RHBDD1: variants seen among roughly 807,000 people sequenced by gnomAD.
RHBDD1 encodes rhomboid domain containing 1.
RHBDD1 carries 38 observed loss-of-function variants against 36.3 expected under a neutral mutation model. The observed-to-expected ratio is 1.05, with a 90% CI of 0.81 to 1.37. RHBDD1 has a LOEUF of 1.37. Ranked by LOEUF, RHBDD1 falls within the 40% of genes most tolerant of loss-of-function variation. RHBDD1 has a pLI of 0.00. For missense variants in RHBDD1, 393 were observed against 377.6 expected (o/e 1.04, Z -0.34); for synonymous variants, 151 against 136.5 (o/e 1.11, Z -0.74).
chr2:226,906,772 A>G lies in RHBDD1; in HGVS notation c.567-21A>G, dbSNP rs372372131. On this transcript the variant is annotated intron_variant, in intron 5 of 8. Transcript: ENST00000392062. The stretch of plus-strand genomic sequence containing the variant: ...ATCAGCAGCAGAACAAACACTCACA[A>G]AGGGTCTCCTTCCCTCCTAGGACTT... 82 of 1,613,848 alleles carry G rather than the reference A, an allele frequency of 5.1e-5. 1 individual carries two copies. In the African/African-American group the frequency reaches 8.4e-4, roughly 17 times the overall value.
In RHBDD1 at chr2:226,865,130, AG is replaced by A. The variant is rs1559209422; in HGVS notation, c.433+7del. On this transcript the variant is annotated splice_donor_5th_base_variant and intron_variant, in intron 4 of 8. Transcript: ENST00000392062. ...AGCTGTGCTGTAGGTTTCTCAGGTA[AG>A]GGAGACAAAATTTTGAGGTTGCATG... 5.7e-6 allele frequency: 9 copies of A among 1,591,582 alleles called. No individual in the cohort carries two copies. Among genetic ancestry groups the A allele is most frequent in the Non-Finnish European group, 7.7e-6 (9 of 1,171,000 alleles).
At chr2:226,935,760 TTTGACA>T (rs1950292457) in intron 8 of RHBDD1, among the ~76,000 whole-genome samples, 1 of 152,110 alleles carries the variant, frequency 6.6e-6, no homozygotes, top group South Asian at 2.1e-4. Context: ...AATGTGAGTT[TTTGACA>T]TACAGGTCTC....
chr2:226,922,459 G>A (rs546515969), intron 8 of RHBDD1, among the ~76,000 whole-genome samples: 8 of 151,932 alleles, frequency 5.3e-5, no homozygotes, highest in Middle Eastern at 3.4e-3. Flanking sequence ...CGCCCACCTC[G>A]GCCTCCCAAA....
intron 8 of RHBDD1, among the ~76,000 whole-genome samples, chr2:226,936,515 C>T (rs1950339279): frequency 6.6e-6 from 1 of 152,054 alleles, no homozygotes; most frequent in Non-Finnish European, 1.5e-5. Flanking sequence ...CTACCACCTA[C>T]CCCCATAATA....
rs1467374086 is a variant in RHBDD1, at chr2:226,906,835, A to G, written c.609A>G (p.Leu203=). 1 of 1,614,122 alleles carries G rather than the reference A, an allele frequency of 6.2e-7. No homozygotes were observed. Among genetic ancestry groups the G allele is most frequent in the Admixed American group, 1.7e-5 (1 of 60,012 alleles). ...ATCTGGCTGGGATTCTTGTTGGACT[A>G]ATGTACACTCAAGGGCCTCTGAAGA... is the stretch of plus-strand genomic sequence containing the variant. ...AGHLAGILVG[L]MYTQGPLKKI... The change falls in exon 6 of 9, where the codon CTA becomes CTG. Residue 203 remains leucine, a synonymous_variant. Coordinates refer to ENST00000392062, the MANE Select transcript of RHBDD1 (RefSeq NM_001167608.3).
chr2:226,908,753 A>C (rs1480287047), intron 6 of RHBDD1, 69 bp from the exon 7 acceptor site: 26 of 1,044,420 alleles, frequency 2.5e-5, no homozygotes, highest in Non-Finnish European at 3.8e-5. Context: ...AGAACTTTCT[A>C]ATTACTGGAA....
chr2:226,879,548 A>G (rs1945529943), intron 5 of RHBDD1, among the ~76,000 whole-genome samples: 9 of 152,242 alleles, frequency 5.9e-5, no homozygotes, highest in Admixed American at 5.9e-4. Context: ...AAACAAAGTT[A>G]TTAGTAAAAC....
At chr2:226,942,917 G>T (rs1343626623) in intron 8 of RHBDD1, among the ~76,000 whole-genome samples, 1 of 152,174 alleles carries the variant, frequency 6.6e-6, no homozygotes, top group Non-Finnish European at 1.5e-5. Flanking sequence ...CATTACTCCA[G>T]TTACTTATTA....
intron 8 of RHBDD1, among the ~76,000 whole-genome samples, chr2:226,922,284 T>C (rs555316556): frequency 2.5e-3 from 365 of 144,544 alleles, no homozygotes; most frequent in African/African-American, 8.9e-3. Context: ...CTCGGCTCAC[T>C]GTAAGTTCCA....
chr2:226,981,218 G>T (rs748505502), intron 8 of RHBDD1, among the ~76,000 whole-genome samples: 4 of 152,152 alleles, frequency 2.6e-5, no homozygotes, highest in Non-Finnish European at 4.4e-5. Flanking sequence ...GGCCTGTCAT[G>T]GGGTGAGGGA....
At chr2:226,960,057 T>TCAGG (rs1952072650) in intron 8 of RHBDD1, among the ~76,000 whole-genome samples, 5 of 152,190 alleles carry the variant, frequency 3.3e-5, no homozygotes, top group Non-Finnish European at 7.3e-5. Flanking sequence ...ACTCCTGACC[T>TCAGG]TGTAATCTGC....
intron 8 of RHBDD1, among the ~76,000 whole-genome samples, chr2:226,966,553 T>C (rs1575285866): frequency 6.6e-6 from 1 of 152,250 alleles, no homozygotes; most frequent in African/African-American, 2.4e-5. Context: ...AACTGAGGAA[T>C]TGAGTTTTCA....
chr2:226,906,574 GC>G (rs753740791), intron 5 of RHBDD1: 15 of 991,352 alleles, frequency 1.5e-5, no homozygotes, highest in Non-Finnish European at 2.2e-5. Flanking sequence ...GAGGGGTGTT[GC>G]GTTTTAAACA....
At chr2:226,945,145 G>GATTATTATTATTATTATTATTATTATT (rs60027437) in intron 8 of RHBDD1, among the ~76,000 whole-genome samples, 1 of 144,818 alleles carries the variant, frequency 6.9e-6, no homozygotes, top group Admixed American at 7.0e-5. Context: ...GATCAAATCT[G>GATTATTATTATTATTATTATTATTATT]ATTATTATTA....
intron 8 of RHBDD1, among the ~76,000 whole-genome samples, chr2:226,985,213 T>C (rs1458122417): frequency 2.6e-5 from 4 of 152,138 alleles, no homozygotes; most frequent in African/African-American, 9.7e-5. Context: ...AAATTCAGGA[T>C]TAGAACTGGT....
At chr2:226,856,700 C>G (rs192600777) in intron 3 of RHBDD1, among the ~76,000 whole-genome samples, 1 of 152,154 alleles carries the variant, frequency 6.6e-6, no homozygotes, top group Admixed American at 6.5e-5. Context: ...ATGCATGTAG[C>G]GTTTGTGTAT....
At chr2:226,867,587 G>C (rs985773236) in intron 5 of RHBDD1, 1 of 984,930 alleles carries the variant, frequency 1.0e-6, no homozygotes, top group African/African-American at 1.7e-5. Flanking sequence ...ATACTGATCT[G>C]AGGATCAATA....
intron 8 of RHBDD1, among the ~76,000 whole-genome samples, chr2:226,974,399 G>A (rs1023278053): frequency 1.2e-4 from 18 of 151,926 alleles, no homozygotes; most frequent in Non-Finnish European, 1.8e-4. Context: ...CACTGGGCCT[G>A]GCTAATTTTT....
chr2:226,856,376 GA>G (rs1332474017), intron 3 of RHBDD1, among the ~76,000 whole-genome samples: 1 of 151,962 alleles, frequency 6.6e-6, no homozygotes, highest in African/African-American at 2.4e-5. Context: ...AAACTATCTT[GA>G]AAATCTACAT....
Sources: gnomAD v4.1 joint callset for allele counts (sites outside exome capture counted in the v4.1 genomes callset) on GRCh38, gnomAD v4.1.1 for gene constraint, MANE v1.5 for transcripts, NCBI Gene and HGNC (gene_info 2026-07-23, HGNC 2026-07-21) for gene names.